Variants in PPP1R12A observed in about 807,000 individuals in gnomAD.
PPP1R12A encodes myosin binding subunit.
A neutral mutation model predicts 139.6 loss-of-function variants in PPP1R12A; 19 were observed. That is an observed-to-expected ratio of 0.14 (90% CI 0.09 to 0.20). The LOEUF (loss-of-function observed/expected upper bound fraction) is 0.20. PPP1R12A is among the 10% of genes least tolerant of loss of function. The pLI is 1.00. For synonymous variants in PPP1R12A, 427 were observed against 420.6 expected (o/e 1.02, Z -0.19); for missense variants, 925 against 1,211.5 (o/e 0.76, Z 3.51).
At chr12:79,796,421 C>A (rs1199047682) in intron 17 of PPP1R12A, among the ~76,000 whole-genome samples, 1 of 145,298 alleles carries the variant, frequency 6.9e-6, no homozygotes, top group Admixed American at 6.8e-5. Context: ...CACAAAAAAA[C>A]ATTTAAATGA....
At chr12:79,785,093 T>G (rs1870947654) in intron 22 of PPP1R12A, among the ~76,000 whole-genome samples, 1 of 152,194 alleles carries the variant, frequency 6.6e-6, no homozygotes, top group African/African-American at 2.4e-5. Context: ...AACAGCAACA[T>G]CAGTTTAGGT....
Position 79,821,174 on chromosome 12 carries a change from C to A in PPP1R12A, c.868-8G>T, listed in dbSNP as rs1876049042. 1.3e-6 allele frequency: 2 copies of A among 1,574,154 alleles called. No homozygotes were observed. The highest frequency in any genetic ancestry group is 1.7e-6 in the Non-Finnish European group (2 of 1,150,444). On this transcript the variant is annotated splice_region_variant and splice_polypyrimidine_tract_variant and intron_variant, in intron 6 of 24. Coordinates refer to ENST00000450142, the MANE Select transcript of PPP1R12A (RefSeq NM_002480.3). ...CCGTTTTTCACTATGGAGCTTTGTA[C>A]AAAGTTATGCAAAGGAAAATAAGAA... is the stretch of plus-strand genomic sequence containing the variant.
chr12:79,875,067 G>GCCACAATTTT (rs1411523043), intron 1 of PPP1R12A, among the ~76,000 whole-genome samples: 1 of 151,954 alleles, frequency 6.6e-6, no homozygotes, highest in East Asian at 1.9e-4. Flanking sequence ...AATATCAATA[G>GCCACAATTTT]CCACAATTTT....
chr12:79,847,671 C>G (rs1879564750), intron 2 of PPP1R12A, among the ~76,000 whole-genome samples: 1 of 151,890 alleles, frequency 6.6e-6, no homozygotes, highest in Admixed American at 6.6e-5. Context: ...GTAAGACAGT[C>G]AGATTAAATA....
intron 9 of PPP1R12A, among the ~76,000 whole-genome samples, chr12:79,811,643 C>T (rs1874548372): frequency 6.6e-6 from 1 of 152,210 alleles, no homozygotes; most frequent in African/African-American, 2.4e-5. Flanking sequence ...CAGGGCTACA[C>T]TGTAAATGCT....
chr12:79,816,548 AAAAG>A (rs1264265206), intron 9 of PPP1R12A, among the ~76,000 whole-genome samples: 1 of 152,158 alleles, frequency 6.6e-6, no homozygotes, highest in Non-Finnish European at 1.5e-5. Flanking sequence ...AATTTGGGTT[AAAAG>A]AAAGATAGGT....
chr12:79,789,627 T>C (rs955629007), intron 20 of PPP1R12A: 3 of 453,484 alleles, frequency 6.6e-6, no homozygotes, highest in African/African-American at 6.0e-5. Context: ...TGGCTCTGCA[T>C]TTCAATTCAA....
intron 2 of PPP1R12A, among the ~76,000 whole-genome samples, chr12:79,855,603 TAA>T (rs1247973247): frequency 1.3e-5 from 2 of 152,014 alleles, no homozygotes; most frequent in South Asian, 2.1e-4. Flanking sequence ...AGAAGAAAAG[TAA>T]AAGTTTTTCA....
intron 4 of PPP1R12A, among the ~76,000 whole-genome samples, chr12:79,828,884 T>A (rs1471491006): frequency 1.3e-5 from 2 of 152,148 alleles, no homozygotes; most frequent in Admixed American, 1.3e-4. Flanking sequence ...ATATATAATC[T>A]CGGGCTAAAT....
chr12:79,927,697 T>C (rs147831695), intron 1 of PPP1R12A, among the ~76,000 whole-genome samples: 1 of 152,334 alleles, frequency 6.6e-6, no homozygotes, highest in Non-Finnish European at 1.5e-5. Context: ...TATTTTCTTG[T>C]TAACTTTGAG....
At position 79,820,793 on chromosome 12, in the gene PPP1R12A, C is replaced by T. The variant is rs376255196; in HGVS notation, c.1095G>A (p.Ser365=). 1.9e-5 allele frequency: 31 copies of T among 1,612,256 alleles called. No homozygotes were observed. The highest frequency in any genetic ancestry group is 5.0e-5 in the Admixed American group (3 of 59,720). ...TTTTACCTGTTTCAGCTTCTGATTC[C>T]GAGTCATCTTCCTCATCTTCTTCAC... ...CSSEEDEEDD[S]ESEAETDKTK... The change falls in exon 8 of 25, where the codon TCG becomes TCA. Residue 365 remains serine, a synonymous_variant. Transcript: ENST00000450142.
intron 2 of PPP1R12A, among the ~76,000 whole-genome samples, chr12:79,853,749 A>T (rs1350961046): frequency 6.6e-6 from 1 of 152,236 alleles, no homozygotes; most frequent in East Asian, 1.9e-4. Flanking sequence ...AAACATTTAC[A>T]TGCCTTAGCA....
chr12:79,786,387 T>C lies in PPP1R12A; in HGVS notation c.2894A>G (p.Glu965Gly). ...MELTDLKLQL[E>G]KATQRQERFA... ...AAGGGTACAAACCTGGGTGGCCTTTTCCAACTGTAATTTAAGATCTGTTAG... is the reference window on the plus strand; with the variant it reads ...AAGGGTACAAACCTGGGTGGCCTTTCCCAACTGTAATTTAAGATCTGTTAG... Residue 965 changes from glutamate (E) to glycine (G), a missense_variant, in exon 22 of 25, where the codon GAA (glutamate) becomes GGA (glycine). By Grantham distance (98) the Glu-to-Gly change is moderately conservative. Coordinates refer to ENST00000450142, the MANE Select transcript of PPP1R12A (RefSeq NM_002480.3). 2 of 1,553,134 alleles carry C rather than the reference T, an allele frequency of 1.3e-6. No homozygotes were observed. The highest frequency in any genetic ancestry group is 1.2e-5 in the South Asian group (1 of 82,394).
intron 1 of PPP1R12A, among the ~76,000 whole-genome samples, chr12:79,884,059 C>T (rs1883885780): frequency 6.6e-6 from 1 of 152,112 alleles, no homozygotes; most frequent in Admixed American, 6.5e-5. Flanking sequence ...AAGTGAAAAA[C>T]AGGTCTGGTA....
At chr12:79,849,502 A>C (rs1055967526) in intron 2 of PPP1R12A, among the ~76,000 whole-genome samples, 2 of 152,248 alleles carry the variant, frequency 1.3e-5, no homozygotes, top group Non-Finnish European at 2.9e-5. Flanking sequence ...TTGAAAACAG[A>C]CATCTAGATT....
At chr12:79,818,783 CTG>C (rs1179427732) in intron 8 of PPP1R12A, 1 of 152,166 alleles carries the variant, frequency 6.6e-6, no homozygotes, top group Non-Finnish European at 1.5e-5. Context: ...TGAAGAAAAA[CTG>C]TTTTGGCAAA....
rs796737195 is a variant in PPP1R12A at position 79,778,561 on chromosome 12, C to T, written c.2995G>A (p.Glu999Lys). The T allele has an allele frequency of 6.5e-7, 1 of 1,534,300 alleles. No homozygotes were observed. Among genetic ancestry groups the T allele is most frequent in the Non-Finnish European group, 8.8e-7 (1 of 1,136,024 alleles). The change falls in exon 24 of 25, where the codon GAA (glutamate) becomes AAA (lysine). Residue 999 changes from glutamate (E) to lysine (K), a missense_variant. Around this residue, in one of 4 missense-constraint regions of PPP1R12A, gnomAD observed 315 missense variants for 363.4 expected, o/e 0.87. Coordinates refer to ENST00000450142, the MANE Select transcript of PPP1R12A (RefSeq NM_002480.3). ...ALERRISEMEEELKMLPDLKA... is the reference protein window; with the variant it reads ...ALERRISEMEKELKMLPDLKA... ...CATAGTTTACTTACTTTGAGCTCTT[C>T]TTCCATTTCAGATATTCTTCTTTCT... is the stretch of plus-strand genomic sequence containing the variant.
chr12:79,914,227 G>A (rs1376449094), intron 1 of PPP1R12A, among the ~76,000 whole-genome samples: 1 of 151,584 alleles, frequency 6.6e-6, no homozygotes. Context: ...AATAATAACA[G>A]ACAAAAAATT....
intron 8 of PPP1R12A, 105 bp from the exon 9 acceptor site, chr12:79,817,623 T>A: frequency 8.8e-7 from 1 of 1,137,500 alleles, no homozygotes; most frequent in Non-Finnish European, 1.2e-6. Flanking sequence ...TTTTGTTAAC[T>A]AAAAGTCTTT....
Sources: gnomAD v4.1 joint callset for allele counts (sites outside exome capture counted in the v4.1 genomes callset) on GRCh38, gnomAD v4.1.1 for gene constraint, gnomAD v4.1.1 regional missense constraint, MANE v1.5 for transcripts, NCBI Gene and HGNC (gene_info 2026-07-23, HGNC 2026-07-21) for gene names.